Variants in CYP4V2 observed in about 807,000 individuals in gnomAD.
CYP4V2 encodes cytochrome P450 family 4 subfamily V member 2, also known as cytochrome P450 4V2.
Under a neutral mutation model 60.8 loss-of-function variants are expected in CYP4V2, and 55 were observed. The ratio of observed to expected loss-of-function variants is 0.90; its 90% CI spans 0.73 to 1.13. The LOEUF is 1.13. CYP4V2 is among the 50% of genes most tolerant of loss of function. CYP4V2 has a pLI of 0.00. For missense variants in CYP4V2, 675 were observed against 662.9 expected, an observed-to-expected ratio of 1.02 and a Z score of -0.20; for synonymous variants, 239 against 236.8, an observed-to-expected ratio of 1.01 and a Z score of -0.08.
At chr4:186,208,225 G>A (rs536407057) in intron 8 of CYP4V2, among the ~76,000 whole-genome samples, 23 of 146,438 alleles carry the variant, frequency 1.6e-4, no homozygotes, top group African/African-American at 4.3e-4. Context: ...TGATCCACAT[G>A]TTCTTCTTTG....
At chr4:186,199,503 G>A (rs2126587738) in intron 6 of CYP4V2, among the ~76,000 whole-genome samples, 2 of 152,290 alleles carry the variant, frequency 1.3e-5, no homozygotes, top group East Asian at 3.9e-4. Flanking sequence ...AGTAGGAGAG[G>A]TGATCTATCA....
chr4:186,192,263 G>A (rs1439301862), intron 1 of CYP4V2: 1 of 712,092 alleles, frequency 1.4e-6, no homozygotes, highest in South Asian at 1.5e-5. Flanking sequence ...ACAGGATGCG[G>A]TATTTCCAAA....
chr4:186,207,078 C>T (rs1207751292), intron 8 of CYP4V2, among the ~76,000 whole-genome samples: 1 of 151,958 alleles, frequency 6.6e-6, no homozygotes, highest in African/African-American at 2.4e-5. Flanking sequence ...CATTGTGCCT[C>T]ACTTTTTCTT....
rs1446022692 is a variant in CYP4V2 at position 186,195,787 on chromosome 4, C to G, written c.328-216C>G. The stretch of plus-strand genomic sequence containing the variant: ...GAGAATCATCTGGGACATCTTTCTT[C>G]CCCCCAACTCCATTGAGTCCCCAAG... On this transcript the variant is annotated intron_variant, in intron 2 of 10. Transcript: ENST00000378802. This position sits in a 1 kb window ranked among gnomAD's most constrained non-coding sequence, Gnocchi z 4.1. Among the ~76,000 whole-genome samples the G allele has an allele frequency of 6.6e-6, 1 of 152,112 alleles. No individual in the cohort carries two copies. Among genetic ancestry groups the G allele is most frequent in the Non-Finnish European group, 1.5e-5 (1 of 68,030 alleles).
chr4:186,196,894 C>G, intron 3 of CYP4V2, 46 bp from the exon 4 acceptor site: 1 of 1,576,964 alleles, frequency 6.3e-7, no homozygotes, highest in Non-Finnish European at 8.7e-7. Context: ...CTTTCTCTCT[C>G]TCTCTCTGTA....
intron 7 of CYP4V2, chr4:186,204,965 CACCAGCGTGCA>C (rs1736453031): frequency 3.5e-6 from 2 of 571,034 alleles, no homozygotes; most frequent in Non-Finnish European, 3.2e-6. Context: ...AGGCACGTCC[CACCAGCGTGCA>C]ACACCGTGCG....
intron 1 of CYP4V2, 54 bp from the exon 2 acceptor site, chr4:186,194,446 C>G: frequency 6.9e-7 from 1 of 1,453,670 alleles, no homozygotes; most frequent in Non-Finnish European, 9.7e-7. Context: ...TTGTCCAATA[C>G]TGGTCACAAC....
chr4:186,192,006 C>G lies in CYP4V2; in HGVS notation c.183C>G (p.Gly61=), dbSNP rs200327267. Residue 61 remains glycine, a synonymous_variant, in exon 1 of 11, where the codon GGC becomes GGG. Coordinates refer to ENST00000378802, the MANE Select transcript of CYP4V2 (RefSeq NM_207352.4). ...PTVARAYPLV[G]HALLMKPDGR... is the part of the protein sequence containing the mutation. ...TGGCCCGCGCCTACCCACTGGTGGGCCACGCGCTGCTGATGAAGCCGGACG... is the reference window on the plus strand; with the variant it reads ...TGGCCCGCGCCTACCCACTGGTGGGGCACGCGCTGCTGATGAAGCCGGACG... 35 of 1,582,954 alleles carry G rather than the reference C, an allele frequency of 2.2e-5. No homozygotes were observed. The East Asian group carries it at 3.0e-4, about 14-fold the overall frequency.
intron 3 of CYP4V2, chr4:186,196,559 G>A: frequency 3.4e-6 from 1 of 295,730 alleles, no homozygotes; most frequent in Non-Finnish European, 6.4e-6. Flanking sequence ...AGAGGGGAGA[G>A]ATCAAGGTAG....
chr4:186,209,893 A>G (rs1290552996), intron 10 of CYP4V2, among the ~76,000 whole-genome samples: 1 of 152,216 alleles, frequency 6.6e-6, no homozygotes, highest in Admixed American at 6.5e-5. Flanking sequence ...AATATAACTT[A>G]TTGTGGTAAA....
chr4:186,197,311 G>T (rs1736180235), intron 4 of CYP4V2, 181 bp downstream of exon 4: 2 of 884,542 alleles, frequency 2.3e-6, no homozygotes, highest in African/African-American at 1.7e-5. Flanking sequence ...CTGTGAGTGG[G>T]GCAGGCATGG....
intron 10 of CYP4V2, among the ~76,000 whole-genome samples, chr4:186,210,178 C>A (rs1736660595): frequency 6.6e-6 from 1 of 152,074 alleles, no homozygotes; most frequent in African/African-American, 2.4e-5. Context: ...AATGAAAGAC[C>A]CACTAAGACA....
In CYP4V2 at chr4:186,191,800, AC is replaced by A. The variant is rs1206817614; in HGVS notation, c.-20del. The A allele has an allele frequency of 1.3e-6, 2 of 1,516,590 alleles. No individual in the cohort carries two copies. The highest frequency in any genetic ancestry group is 1.8e-6 in the Non-Finnish European group (2 of 1,138,722). 93.9% of individuals were successfully genotyped at this position (1,516,590 alleles called of 1,614,324 possible). Reference sequence around the variant, plus strand: ...GCGGGCCCGCACTTTCCCGGAGTGCACCCCGCGGCCGCCAGCCGGGGCGATG... The same window carrying A: ...GCGGGCCCGCACTTTCCCGGAGTGCACCCGCGGCCGCCAGCCGGGGCGATG... On this transcript the variant is annotated 5_prime_UTR_variant, in exon 1 of 11. Coordinates refer to ENST00000378802, the MANE Select transcript of CYP4V2 (RefSeq NM_207352.4).
Position 186,204,244 on chromosome 4 carries a change from G to T in CYP4V2, c.988-956G>T, listed in dbSNP as rs1307223951. ...AGACGTTACGCTGGCGTAAGAGGTGGCGGTGGAGACGCTACGCTGGCGTAA... is the reference window on the plus strand; with the variant it reads ...AGACGTTACGCTGGCGTAAGAGGTGTCGGTGGAGACGCTACGCTGGCGTAA... On this transcript the variant is annotated intron_variant, in intron 7 of 10. Transcript: ENST00000378802. The T allele has an allele frequency of 1.8e-5, 3 of 164,712 alleles. No homozygotes were observed. The Admixed American group carries it at 1.9e-4, about 10-fold the overall frequency. 10.2% of individuals were successfully genotyped at this position (164,712 alleles called of 1,614,324 possible).
chr4:186,203,950 T>A (rs1354878247), intron 7 of CYP4V2: 1 of 152,226 alleles, frequency 6.6e-6, no homozygotes, highest in Admixed American at 6.5e-5. Flanking sequence ...AAAAGTGAGA[T>A]CTTTTATAGA....
chr4:186,210,842 T>TA lies in CYP4V2; in HGVS notation c.*201_*202insA. ...TTTTCTTTTTTCTTTTTTCTTTATT[T>TA]TTTTTTTTTGAAACCGTGTCTCACT... On this transcript the variant is annotated 3_prime_UTR_variant, in exon 11 of 11. Transcript: ENST00000378802. The TA allele has an allele frequency of 4.7e-6, 3 of 641,008 alleles. No individual in the cohort carries two copies. The highest frequency in any genetic ancestry group is 7.6e-6 in the Non-Finnish European group (3 of 392,592). 39.7% of individuals were successfully genotyped at this position (641,008 alleles called of 1,614,324 possible). A position where few individuals can be genotyped will look rare whatever the true frequency, so the allele number is the denominator to read the frequency against.
intron 1 of CYP4V2, among the ~76,000 whole-genome samples, chr4:186,193,041 A>C (rs1736036303): frequency 6.6e-6 from 1 of 152,242 alleles, no homozygotes; most frequent in African/African-American, 2.4e-5. Flanking sequence ...AATATTAAAA[A>C]TACTTTGACA....
At chr4:186,201,515 T>A (rs545655417) in intron 7 of CYP4V2, 173 bp downstream of exon 7, 1 of 758,022 alleles carries the variant, frequency 1.3e-6, no homozygotes. Flanking sequence ...CCAGCTCAAC[T>A]TCTTCAGAAA....
At chr4:186,205,081 T>A in intron 7 of CYP4V2, 119 bp from the exon 8 acceptor site, 1 of 937,656 alleles carries the variant, frequency 1.1e-6, no homozygotes, top group Non-Finnish European at 1.7e-6. Flanking sequence ...ATTCATTTCT[T>A]ATGTTTGCAG....
Sources: allele counts gnomAD v4.1 joint callset (sites outside exome capture counted in the v4.1 genomes callset), GRCh38; gene constraint gnomAD v4.1.1; non-coding constraint Gnocchi (gnomAD v3.1); transcripts MANE v1.5; gene names NCBI Gene and HGNC (gene_info 2026-07-23, HGNC 2026-07-21).